Variants in COLQ observed in about 807,000 individuals in gnomAD.
COLQ encodes collagen like tail subunit of asymmetric acetylcholinesterase.
COLQ carries 48 observed loss-of-function variants against 69.0 expected under a neutral mutation model. The observed-to-expected ratio is 0.70, with a 90% confidence interval of 0.55 to 0.88. The LOEUF (loss-of-function observed/expected upper bound fraction) is 0.88, where lower values mean the gene tolerates loss of function less well. Among genes scored for constraint, COLQ ranks in the 40% least tolerant of loss-of-function variants. The pLI, the probability that COLQ is intolerant of heterozygous loss-of-function variation, is 0.00. For synonymous variants in COLQ, 217 were observed against 211.2 expected, an observed-to-expected ratio of 1.03 and a Z score of -0.24; for missense variants, 618 against 594.6, an observed-to-expected ratio of 1.04 and a Z score of -0.41.
chr3:15,469,218 G>A (rs916922644), intron 11 of COLQ, among the ~76,000 whole-genome samples: 5 of 152,134 alleles, frequency 3.3e-5, no homozygotes, highest in Non-Finnish European at 5.9e-5. Flanking sequence ...TGATTCCAAC[G>A]GAATTAGTCT....
chr3:15,480,487 C>T (rs2062461500), intron 3 of COLQ, among the ~76,000 whole-genome samples: 1 of 152,182 alleles, frequency 6.6e-6, no homozygotes, highest in Non-Finnish European at 1.5e-5. Flanking sequence ...CAGCTTCATC[C>T]ATGTCCCTAC....
chr3:15,495,044 T>A (rs1209608330), intron 1 of COLQ, among the ~76,000 whole-genome samples: 1 of 152,138 alleles, frequency 6.6e-6, no homozygotes, highest in Admixed American at 6.5e-5. Context: ...GTCATATAGC[T>A]AGTAAGTGAC....
intron 1 of COLQ, among the ~76,000 whole-genome samples, chr3:15,500,042 G>T (rs1364741478): frequency 6.6e-6 from 1 of 152,216 alleles, no homozygotes; most frequent in Non-Finnish European, 1.5e-5. Flanking sequence ...GATGCCTGAA[G>T]GGATTTATAG....
intron 12 of COLQ, among the ~76,000 whole-genome samples, chr3:15,464,285 T>C (rs1257950806): frequency 4.6e-5 from 7 of 152,174 alleles, no homozygotes; most frequent in Non-Finnish European, 8.8e-5. Flanking sequence ...CTCCCAGCCT[T>C]GAAAATGTTC....
intron 11 of COLQ, chr3:15,467,789 C>A: frequency 2.2e-6 from 1 of 445,780 alleles, no homozygotes; most frequent in South Asian, 1.6e-5. Context: ...TAATCTTCCT[C>A]AAATCTGGGG....
chr3:15,506,519 ATAGG>A (rs942309750), intron 1 of COLQ: 9 of 152,192 alleles, frequency 5.9e-5, no homozygotes, highest in Non-Finnish European at 1.2e-4. Flanking sequence ...ATACAAGCAA[ATAGG>A]TAGGTATAAT....
At chr3:15,488,407 C>T in intron 2 of COLQ, 100 bp from the exon 3 acceptor site, 1 of 952,532 alleles carries the variant, frequency 1.0e-6, no homozygotes, top group Non-Finnish European at 1.6e-6. Flanking sequence ...GGTCTCTAAG[C>T]CTGGCAGTTC....
At chr3:15,518,808 T>C (rs1575501095) in intron 1 of COLQ, among the ~76,000 whole-genome samples, 1 of 152,312 alleles carries the variant, frequency 6.6e-6, no homozygotes, top group African/African-American at 2.4e-5. Flanking sequence ...AGAGGCCACA[T>C]CCTACTTGTC....
In COLQ at chr3:15,477,153, G is replaced by A. The variant is rs757867510; in HGVS notation, c.438C>T (p.Ile146=). 2.5e-4 allele frequency: 398 copies of A among 1,606,052 alleles called. No individual in the cohort carries two copies. Among genetic ancestry groups the A allele is most frequent in the Non-Finnish European group, 2.6e-4 (304 of 1,176,832 alleles). Residue 146 remains isoleucine (I), a synonymous_variant, in exon 6 of 17, where the codon ATC becomes ATT. Transcript: ENST00000383788. ...TGGGTCCTTCAGGGCCTGGCCAACC[G>A]ATGGGCCCAGGCATGCCAGGAACAC... ...PPGVPGMPGP[I]GWPGPEGPRG...
chr3:15,459,807 T>C (rs2062080791), intron 12 of COLQ, among the ~76,000 whole-genome samples: 1 of 151,610 alleles, frequency 6.6e-6, no homozygotes, highest in Non-Finnish European at 1.5e-5. Context: ...ATTATTATTA[T>C]TATTATACTT....
At chr3:15,459,834 T>C (rs1047130693) in intron 12 of COLQ, among the ~76,000 whole-genome samples, 12 of 152,000 alleles carry the variant, frequency 7.9e-5, no homozygotes, top group African/African-American at 1.7e-4. Flanking sequence ...TTAGGGTACA[T>C]GTGCACAATG....
rs756084974 is a variant in COLQ at position 15,453,832 on chromosome 3, G to A, written c.1295C>T (p.Pro432Leu). Residue 432 changes from proline to leucine, a missense_variant, in exon 16 of 17, where the codon CCT becomes CTT. Pro to Leu is a moderately conservative substitution (Grantham distance 98). Coordinates refer to ENST00000383788, the MANE Select transcript of COLQ (RefSeq NM_005677.4). ...FGYLTCETYLPGSYGDLQCTQ... is the reference protein window; with the variant it reads ...FGYLTCETYLLGSYGDLQCTQ... ...GAGGGAGGGGAGTCATCCCTACCCA[G>A]GGAGATAGGTCTCGCATGTCAGGTA... The A allele has an allele frequency of 1.9e-6, 3 of 1,603,750 alleles. No individual in the cohort carries two copies. The highest frequency in any genetic ancestry group is 1.7e-6 in the Non-Finnish European group (2 of 1,172,666).
intron 1 of COLQ, among the ~76,000 whole-genome samples, chr3:15,493,878 G>C (rs1416740737): frequency 6.6e-6 from 1 of 152,230 alleles, no homozygotes; most frequent in Non-Finnish European, 1.5e-5. Flanking sequence ...GAGGTCAGGA[G>C]TTCAAGACCA....
chr3:15,517,229 T>G (rs1005697991), intron 1 of COLQ, among the ~76,000 whole-genome samples: 1 of 152,136 alleles, frequency 6.6e-6, no homozygotes, highest in African/African-American at 2.4e-5. Flanking sequence ...ATATCACTAT[T>G]TATCCAAAAC....
intron 1 of COLQ, among the ~76,000 whole-genome samples, chr3:15,509,515 G>C (rs1209803859): frequency 6.6e-6 from 1 of 152,206 alleles, no homozygotes; most frequent in African/African-American, 2.4e-5. Context: ...CTGGTTAGCA[G>C]ACCTTTCTAC....
chr3:15,489,389 G>A, intron 2 of COLQ, 136 bp downstream of exon 2: 1 of 789,736 alleles, frequency 1.3e-6, no homozygotes, highest in Non-Finnish European at 2.2e-6. Flanking sequence ...CAACTTCTGG[G>A]TGACAGTGGA....
At chr3:15,463,636 G>A (rs189692901) in intron 12 of COLQ, among the ~76,000 whole-genome samples, 7 of 152,130 alleles carry the variant, frequency 4.6e-5, no homozygotes, top group East Asian at 1.9e-4. Context: ...GTGAGCCACC[G>A]CGCCTGGCCT....
chr3:15,510,131 G>A (rs1031922285), intron 1 of COLQ, among the ~76,000 whole-genome samples: 1 of 151,950 alleles, frequency 6.6e-6, no homozygotes, highest in African/African-American at 2.4e-5. Flanking sequence ...AGCCGAGATC[G>A]CGCCACTGCA....
chr3:15,466,467 G>A (rs772529234), intron 11 of COLQ, 30 bp from the exon 12 acceptor site: 15 of 1,587,846 alleles, frequency 9.4e-6, no homozygotes, highest in Non-Finnish European at 1.3e-5. Context: ...AGCCTGTTAT[G>A]AAAGCATGAC....
Sources: gnomAD v4.1 joint callset for allele counts (sites outside exome capture counted in the v4.1 genomes callset) on GRCh38, gnomAD v4.1.1 for gene constraint, MANE v1.5 for transcripts, NCBI Gene and HGNC (gene_info 2026-07-23, HGNC 2026-07-21) for gene names.